The following DNAH14 variants were observed in gnomAD, a reference collection of about 807,000 sequenced individuals.
The protein encoded by DNAH14 is axonemal beta dynein heavy chain 14.
A neutral mutation model predicts 520.9 loss-of-function variants in DNAH14; 478 were observed. The observed-to-expected ratio is 0.92, with a 90% CI of 0.85 to 0.99. The LOEUF is 0.99. Among genes scored for constraint, DNAH14 ranks in the 50% least tolerant of loss-of-function variants. The probability of loss-of-function intolerance (pLI) is 0.00; values close to 1 mark genes in which losing one functional copy is unlikely to be tolerated. For synonymous variants in DNAH14, 1,581 were observed against 1,757.2 expected (o/e 0.90, Z 2.51); for missense variants, 4,831 against 5,234.5 (o/e 0.92, Z 2.38).
chr1:225,119,347 C>T, intron 26 of DNAH14, 53 bp downstream of exon 26: 1 of 1,217,528 alleles, frequency 8.2e-7, no homozygotes, highest in Non-Finnish European at 1.1e-6. Context: ...TATACTTGCA[C>T]ATATATATAT....
intron 38 of DNAH14, among the ~76,000 whole-genome samples, chr1:225,195,112 A>G (rs1025362439): frequency 6.6e-6 from 1 of 152,168 alleles, no homozygotes; most frequent in Admixed American, 6.5e-5. Context: ...GTGATTTCTC[A>G]AAGAACTTAG....
Position 225,217,863 on chromosome 1 carries a change from G to A in DNAH14, c.6439+10643G>A, listed in dbSNP as rs2089589510. 2.0e-5 allele frequency among the ~76,000 whole-genome samples: 3 copies of A among 152,224 alleles called. No individual in the cohort carries two copies. The South Asian group carries it at 6.2e-4, about 32-fold the overall frequency. The stretch of plus-strand genomic sequence containing the variant: ...CCTTGGGCTTCCCGGGTGAGGCAAT[G>A]CCCCACCCTGCTCCATGGGCTGCAC... On this transcript the variant is annotated intron_variant, in intron 41 of 85. Coordinates refer to ENST00000682510, the MANE Select transcript of DNAH14 (RefSeq NM_001367479.1).
At chr1:225,046,130 T>C (rs540260367) in intron 15 of DNAH14, among the ~76,000 whole-genome samples, 35 of 151,472 alleles carry the variant, frequency 2.3e-4, no homozygotes, top group Non-Finnish European at 4.4e-4. Context: ...TATATAAATA[T>C]ACATAGGTAT....
intron 47 of DNAH14, among the ~76,000 whole-genome samples, chr1:225,264,887 A>G (rs984839351): frequency 3.3e-5 from 5 of 152,208 alleles, no homozygotes; most frequent in Admixed American, 2.6e-4. Context: ...TTTTAATGCC[A>G]TTAGTGCAGA....
chr1:225,378,709 C>T (rs1379558509), intron 79 of DNAH14, among the ~76,000 whole-genome samples: 3 of 151,720 alleles, frequency 2.0e-5, no homozygotes, highest in Admixed American at 1.3e-4. Context: ...GGTGAAACCC[C>T]GTCTCTACTA....
intron 8 of DNAH14, among the ~76,000 whole-genome samples, chr1:225,001,780 A>C (rs921866894): frequency 2.0e-5 from 3 of 152,084 alleles, no homozygotes; most frequent in Admixed American, 6.6e-5. Flanking sequence ...TTTTTGTGAT[A>C]TTTTACTTTC....
chr1:224,963,693 A>G (rs1489606270), intron 4 of DNAH14, among the ~76,000 whole-genome samples: 1 of 152,076 alleles, frequency 6.6e-6, no homozygotes, highest in Non-Finnish European at 1.5e-5. Flanking sequence ...TGTCAGACAT[A>G]CACAGTTTGT....
rs564430530 is a variant in DNAH14 at position 225,350,758 on chromosome 1, C to CA, written c.11297-879dup. Among the ~76,000 whole-genome samples, 210 of 139,444 alleles carry CA rather than the reference C, an allele frequency of 1.5e-3. 1 individual carries two copies. The highest frequency in any genetic ancestry group is 5.1e-3 in the South Asian group (22 of 4,324). 91.5% of individuals were successfully genotyped at this position (139,444 alleles called of 152,430 possible). On this transcript the variant is annotated intron_variant, in intron 71 of 85. Transcript: ENST00000682510. Reference sequence around the variant, plus strand: ...GATTGAACTGGTAATCAAACACTGCCAAAAAAAAAAGAAAATTTTAGGACC... The same window carrying CA: ...GATTGAACTGGTAATCAAACACTGCCAAAAAAAAAAAGAAAATTTTAGGACC...
chr1:225,045,699 G>A (rs912479546), intron 15 of DNAH14, among the ~76,000 whole-genome samples: 6 of 152,084 alleles, frequency 3.9e-5, no homozygotes, highest in African/African-American at 1.4e-4. Context: ...GCCCTTTTCA[G>A]TACATCAGCC....
At chr1:225,075,349 T>G (rs962703856) in intron 17 of DNAH14, among the ~76,000 whole-genome samples, 5 of 152,150 alleles carry the variant, frequency 3.3e-5, no homozygotes, top group Admixed American at 3.3e-4. Context: ...TACCTGGATG[T>G]TTCAATTGAA....
chr1:225,139,830 G>T (rs960816682), intron 27 of DNAH14, among the ~76,000 whole-genome samples: 13 of 152,146 alleles, frequency 8.5e-5, no homozygotes, highest in African/African-American at 3.1e-4. Flanking sequence ...GCCGTGACAT[G>T]GCCTTGACTG....
At chr1:225,197,292 T>A (rs2086269851) in intron 38 of DNAH14, among the ~76,000 whole-genome samples, 1 of 152,142 alleles carries the variant, frequency 6.6e-6, no homozygotes, top group South Asian at 2.1e-4. Flanking sequence ...ATTTGTTGAG[T>A]AGGGTGTCCT....
intron 52 of DNAH14, among the ~76,000 whole-genome samples, chr1:225,274,275 G>A (rs2093406408): frequency 7.3e-6 from 1 of 136,416 alleles, no homozygotes; most frequent in South Asian, 2.2e-4. Flanking sequence ...CGCGATCTCT[G>A]CTCACTGCAA....
At chr1:225,079,116 C>T (rs1459703529) in intron 17 of DNAH14, 91 bp from the exon 18 acceptor site, 1 of 1,177,208 alleles carries the variant, frequency 8.5e-7, no homozygotes. Context: ...TGAAATTAGA[C>T]TTATATAAGT....
intron 59 of DNAH14, 47 bp downstream of exon 59, chr1:225,307,616 A>T (rs752433835): frequency 7.1e-7 from 1 of 1,412,650 alleles, no homozygotes; most frequent in Non-Finnish European, 9.5e-7. Context: ...AGTCTAATAT[A>T]GAACAGTGTT....
intron 41 of DNAH14, among the ~76,000 whole-genome samples, chr1:225,221,182 G>T (rs1220521845): frequency 1.3e-5 from 2 of 152,056 alleles, no homozygotes; most frequent in Non-Finnish European, 2.9e-5. Flanking sequence ...TTAAACGTCA[G>T]ACCTAAAAAA....
rs774430560 is a variant in DNAH14 at position 225,050,263 on chromosome 1, G to T, written c.1966G>T (p.Val656Phe). The part of the protein sequence containing the change: ...DPQLSIFIDL[V>F]SIMDLPNKTG... ...CCAGCTGTCTATCTTCATTGATTTG[G>T]TTTCAATAATGGATTTACCTAATAA... is the stretch of plus-strand genomic sequence containing the variant. Residue 656 changes from valine to phenylalanine, a missense_variant, in exon 16 of 86, where the codon GTT becomes TTT. Physicochemically the swap from Val to Phe is conservative, Grantham distance 50. Coordinates refer to ENST00000682510, the MANE Select transcript of DNAH14 (RefSeq NM_001367479.1). 1 of 1,549,552 alleles carries T rather than the reference G, an allele frequency of 6.5e-7. No individual in the cohort carries two copies. The highest frequency in any genetic ancestry group is 2.0e-5 in the Admixed American group (1 of 50,676).
chr1:225,374,935 C>A, intron 78 of DNAH14, 50 bp downstream of exon 78: 1 of 1,430,328 alleles, frequency 7.0e-7, no homozygotes, highest in Non-Finnish European at 9.4e-7. Context: ...TTAAAGTAAA[C>A]ATTGTTGCTT....
intron 34 of DNAH14, among the ~76,000 whole-genome samples, chr1:225,156,407 T>A (rs988933719): frequency 6.6e-6 from 1 of 152,140 alleles, no homozygotes; most frequent in Non-Finnish European, 1.5e-5. Context: ...CAGATTCCAT[T>A]TCTTGCCTCC....
Sources: gnomAD v4.1 joint callset for allele counts (sites outside exome capture counted in the v4.1 genomes callset) on GRCh38, gnomAD v4.1.1 for gene constraint, MANE v1.5 for transcripts, NCBI Gene and HGNC (gene_info 2026-07-23, HGNC 2026-07-21) for gene names.